Variants in LRRTM4 observed in about 807,000 individuals in gnomAD.
The protein encoded by LRRTM4 is leucine rich repeat transmembrane neuronal 4, also known as leucine-rich repeat transmembrane neuronal protein 4.
A neutral mutation model predicts 47.6 loss-of-function variants in LRRTM4; 25 were observed. The ratio of observed to expected loss-of-function variants is 0.53; its 90% CI spans 0.38 to 0.73. The LOEUF is 0.73. LRRTM4 is among the 30% of genes least tolerant of loss of function. The pLI, the probability that LRRTM4 is intolerant of heterozygous loss-of-function variation, is 0.00. For synonymous variants in LRRTM4, 311 were observed against 269.5 expected (o/e 1.15, Z -1.51); for missense variants, 638 against 713.4 (o/e 0.89, Z 1.20).
intron 3 of LRRTM4, among the ~76,000 whole-genome samples, chr2:76,896,348 G>A (rs1321506782): frequency 6.6e-6 from 1 of 151,858 alleles, no homozygotes. Flanking sequence ...GTAAAATAAG[G>A]TGAAAAAGTG....
Position 77,518,495 on chromosome 2 carries a change from C to T in LRRTM4, c.1374G>A (p.Gln458=). 2 of 1,613,412 alleles carry T rather than the reference C, an allele frequency of 1.2e-6. No individual in the cohort carries two copies. Among genetic ancestry groups the T allele is most frequent in the Non-Finnish European group, 1.7e-6 (2 of 1,179,630 alleles). The change falls in exon 3 of 4, where the codon CAG becomes CAA. Residue 458 remains glutamine (Q), a synonymous_variant. Transcript: ENST00000409884. The part of the protein sequence containing the change: ...KRYPASMKQL[Q]QHSLMKRRRK... Reference sequence around the variant, plus strand: ...GCCGCCTCTTCATAAGAGAGTGTTGCTGGAGTTGTTTCATGCTGGCTGGGT... The same window carrying T: ...GCCGCCTCTTCATAAGAGAGTGTTGTTGGAGTTGTTTCATGCTGGCTGGGT...
intron 3 of LRRTM4, among the ~76,000 whole-genome samples, chr2:76,793,767 G>C (rs576453373): frequency 6.8e-4 from 104 of 152,202 alleles, no homozygotes; most frequent in Non-Finnish European, 1.2e-3. Context: ...TATAAACAGT[G>C]AATTGAGATC....
chr2:77,346,486 T>A (rs1250906529), intron 3 of LRRTM4, among the ~76,000 whole-genome samples: 1 of 151,658 alleles, frequency 6.6e-6, no homozygotes. Context: ...GCTGGGGGGG[T>A]CTATGTACTT....
At chr2:76,803,428 A>T (rs956149570) in intron 3 of LRRTM4, among the ~76,000 whole-genome samples, 2 of 152,162 alleles carry the variant, frequency 1.3e-5, no homozygotes, top group Non-Finnish European at 2.9e-5. Flanking sequence ...AATGGCTATT[A>T]TAAGAAAGAC....
intron 3 of LRRTM4, among the ~76,000 whole-genome samples, chr2:76,863,839 A>G (rs998354877): frequency 9.2e-5 from 14 of 152,210 alleles, no homozygotes; most frequent in Non-Finnish European, 7.3e-5. Context: ...CATATCTCAT[A>G]TCATTAACAC....
At chr2:77,176,200 A>AT (rs1346804598) in intron 3 of LRRTM4, among the ~76,000 whole-genome samples, 7 of 152,216 alleles carry the variant, frequency 4.6e-5, no homozygotes, top group Non-Finnish European at 8.8e-5. Context: ...ATAAATAAAT[A>AT]TAAAGTCAGC....
At chr2:77,011,366 C>T (rs901491486) in intron 3 of LRRTM4, among the ~76,000 whole-genome samples, 4 of 151,978 alleles carry the variant, frequency 2.6e-5, no homozygotes, top group African/African-American at 9.7e-5. Flanking sequence ...GAGTGGCTAT[C>T]ACATTGGATA....
chr2:77,225,836 A>G (rs1014791978), intron 3 of LRRTM4, among the ~76,000 whole-genome samples: 4 of 152,022 alleles, frequency 2.6e-5, no homozygotes, highest in Non-Finnish European at 4.4e-5. Context: ...ATAAAGTAGC[A>G]CATTCAAATA....
chr2:77,061,902 G>C (rs1325673304), intron 3 of LRRTM4, among the ~76,000 whole-genome samples: 3 of 151,986 alleles, frequency 2.0e-5, no homozygotes, highest in African/African-American at 7.3e-5. Flanking sequence ...CATCTACATA[G>C]TATTTAATAG....
intron 3 of LRRTM4, among the ~76,000 whole-genome samples, chr2:77,271,828 T>C (rs994986421): frequency 6.6e-6 from 1 of 152,232 alleles, no homozygotes; most frequent in African/African-American, 2.4e-5. Context: ...GCAGATTTCT[T>C]GTTCATTCTT....
chr2:77,302,628 A>T (rs1303364541), intron 3 of LRRTM4, among the ~76,000 whole-genome samples: 1 of 152,242 alleles, frequency 6.6e-6, no homozygotes, highest in African/African-American at 2.4e-5. Flanking sequence ...ACTGATTTAT[A>T]ATGTCCCATG....
At chr2:77,208,479 T>C (rs1253133501) in intron 3 of LRRTM4, among the ~76,000 whole-genome samples, 4 of 152,292 alleles carry the variant, frequency 2.6e-5, no homozygotes, top group African/African-American at 9.6e-5. Context: ...GGAATGATAC[T>C]TCCACTCACT....
chr2:77,295,944 T>G (rs1676961604), intron 3 of LRRTM4, among the ~76,000 whole-genome samples: 1 of 152,300 alleles, frequency 6.6e-6, no homozygotes, highest in South Asian at 2.1e-4. Flanking sequence ...ACTCAGGCCA[T>G]GACAATCATT....
intron 3 of LRRTM4, among the ~76,000 whole-genome samples, chr2:77,491,706 T>C (rs1171928680): frequency 6.6e-6 from 1 of 151,894 alleles, no homozygotes; most frequent in African/African-American, 2.4e-5. Flanking sequence ...ATAACCAGAA[T>C]ATATTTTTGA....
chr2:77,513,231 C>T (rs555653955), intron 3 of LRRTM4, among the ~76,000 whole-genome samples: 23 of 152,242 alleles, frequency 1.5e-4, no homozygotes, highest in Middle Eastern at 6.8e-3. Context: ...CCTGGGCACC[C>T]CAGTTTTTAG....
intron 3 of LRRTM4, among the ~76,000 whole-genome samples, chr2:76,843,224 T>C (rs570517340): frequency 6.6e-6 from 1 of 151,486 alleles, no homozygotes; most frequent in Non-Finnish European, 1.5e-5. Context: ...AAGGGAGGAG[T>C]CAGAAGATGG....
At chr2:77,427,703 G>A (rs767562918) in intron 3 of LRRTM4, among the ~76,000 whole-genome samples, 9 of 152,118 alleles carry the variant, frequency 5.9e-5, no homozygotes, top group Non-Finnish European at 1.2e-4. Context: ...AAAGAATATG[G>A]GAGAACACTG....
At chr2:77,021,177 T>C (rs1376593407) in intron 3 of LRRTM4, among the ~76,000 whole-genome samples, 1 of 152,072 alleles carries the variant, frequency 6.6e-6, no homozygotes, top group African/African-American at 2.4e-5. Flanking sequence ...GCCATATATA[T>C]GTATATAATC....
intron 3 of LRRTM4, among the ~76,000 whole-genome samples, chr2:76,843,148 T>C (rs1260936178): frequency 6.6e-6 from 1 of 152,030 alleles, no homozygotes; most frequent in Non-Finnish European, 1.5e-5. Flanking sequence ...TTTTGCATGG[T>C]TAGGTAAATT....
Sources: gnomAD v4.1 joint callset for allele counts (sites outside exome capture counted in the v4.1 genomes callset) on GRCh38, gnomAD v4.1.1 for gene constraint, MANE v1.5 for transcripts, NCBI Gene and HGNC (gene_info 2026-07-23, HGNC 2026-07-21) for gene names.